The following PCDHA1 variants were observed in gnomAD, a reference collection of about 807,000 sequenced individuals.
PCDHA1 encodes the protein protocadherin alpha-1.
A neutral mutation model predicts 61.3 loss-of-function variants in PCDHA1; 42 were observed. That is an observed-to-expected ratio of 0.69 (90% CI 0.54 to 0.89). PCDHA1 has a LOEUF of 0.89. PCDHA1 is among the 40% of genes least tolerant of loss of function. The pLI, the probability that PCDHA1 is intolerant of heterozygous loss-of-function variation, is 0.00. For synonymous variants in PCDHA1, 610 were observed against 553.8 expected (o/e 1.10, Z -1.43); for missense variants, 1,256 against 1,235.3 (o/e 1.02, Z -0.25).
At chr5:140,850,495 T>A (rs2150486434) in intron 1 of PCDHA1, 3 of 1,597,906 alleles carry the variant, frequency 1.9e-6, no homozygotes, top group South Asian at 2.2e-5. Flanking sequence ...ACTGTGCTGG[T>A]GTCGCTGGTG....
chr5:140,809,245 T>C, intron 1 of PCDHA1: 1 of 1,614,066 alleles, frequency 6.2e-7, no homozygotes, highest in Non-Finnish European at 8.5e-7. Context: ...TGGTGGGCGC[T>C]GTGGGTCCCG....
At chr5:140,923,577 G>C (rs1456273088) in intron 1 of PCDHA1, among the ~76,000 whole-genome samples, 3 of 152,196 alleles carry the variant, frequency 2.0e-5, no homozygotes, top group Non-Finnish European at 4.4e-5. Context: ...CTGCTAAAGA[G>C]AAGGTTTGTT....
At chr5:140,827,966 G>T in intron 1 of PCDHA1, 1 of 1,337,492 alleles carries the variant, frequency 7.5e-7, no homozygotes, top group Non-Finnish European at 1.0e-6. Flanking sequence ...TTCTATTACT[G>T]CATCATTCCC....
In PCDHA1 at chr5:140,787,753, C is replaced by T; in HGVS notation, c.1463C>T (p.Ala488Val). Reference protein sequence around the residue: ...SARDADAQENALVSYSLVERR... With the variant: ...SARDADAQENVLVSYSLVERR... ...CGGGACGCGGACGCGCAGGAGAACG[C>T]GCTGGTGTCCTATTCGCTGGTGGAA... Residue 488 changes from alanine to valine, a missense_variant, in exon 1 of 4, where the codon GCG becomes GTG. Transcript: ENST00000504120. The T allele has an allele frequency of 6.8e-6, 11 of 1,613,356 alleles. No homozygotes were observed. The highest frequency in any genetic ancestry group is 9.3e-6 in the Non-Finnish European group (11 of 1,179,844).
Position 140,875,636 on chromosome 5 carries a change from A to T in PCDHA1, c.2394+86952A>T, listed in dbSNP as rs574545388. On this transcript the variant is annotated intron_variant, in intron 1 of 3. Coordinates refer to ENST00000504120, the MANE Select transcript of PCDHA1 (RefSeq NM_018900.4). The stretch of plus-strand genomic sequence containing the variant: ...CGCATCGCTCAGGACCTGGGGCTGG[A>T]GCTGGCGGAGCTGGTGCCGCGCCTG... 6 of 1,613,488 alleles carry T rather than the reference A, an allele frequency of 3.7e-6. No individual in the cohort carries two copies. The Admixed American group carries it at 8.3e-5, about 22-fold the overall frequency.
At chr5:140,854,039 C>G (rs1301679696) in intron 1 of PCDHA1, 1 of 287,104 alleles carries the variant, frequency 3.5e-6, no homozygotes, top group Admixed American at 6.8e-5. Context: ...GCACACATCT[C>G]TAGTCCCAAT....
At chr5:140,871,344 G>T in intron 1 of PCDHA1, 1 of 1,614,200 alleles carries the variant, frequency 6.2e-7, no homozygotes, top group Non-Finnish European at 8.5e-7. Context: ...TGGGGAGCTG[G>T]TCATACTCGC....
intron 3 of PCDHA1, among the ~76,000 whole-genome samples, chr5:141,008,968 T>C (rs1241825350): frequency 6.6e-6 from 1 of 152,256 alleles, no homozygotes; most frequent in Non-Finnish European, 1.5e-5. Flanking sequence ...AATACATTTA[T>C]AGCCAAAGTT....
chr5:140,973,929 T>C (rs2096608226), intron 1 of PCDHA1, among the ~76,000 whole-genome samples: 1 of 152,216 alleles, frequency 6.6e-6, no homozygotes, highest in Non-Finnish European at 1.5e-5. Flanking sequence ...AACCCAGAGG[T>C]TTAGCTGAAT....
chr5:140,801,182 T>C (rs782209906), intron 1 of PCDHA1: 4 of 1,573,304 alleles, frequency 2.5e-6, no homozygotes, highest in Non-Finnish European at 3.4e-6. Flanking sequence ...AATCTAATAT[T>C]TGGAAAATAC....
intron 1 of PCDHA1, chr5:140,877,083 G>T: frequency 6.2e-7 from 1 of 1,613,166 alleles, no homozygotes; most frequent in Non-Finnish European, 8.5e-7. Context: ...AGGTGAGCGC[G>T]CGCGACGCCG....
At chr5:140,796,473 G>A in intron 1 of PCDHA1, 2 of 1,612,228 alleles carry the variant, frequency 1.2e-6, no homozygotes, top group Non-Finnish European at 1.7e-6. Context: ...GCGAGCGCGC[G>A]TTGTCGAGCT....
At chr5:140,867,449 G>A (rs1423382267) in intron 1 of PCDHA1, 3 of 152,036 alleles carry the variant, frequency 2.0e-5, no homozygotes, top group African/African-American at 7.2e-5. Context: ...CTGAATTAGA[G>A]TTCTAGTGTT....
intron 1 of PCDHA1, chr5:140,966,544 G>C: frequency 2.1e-6 from 1 of 465,718 alleles, no homozygotes; most frequent in Non-Finnish European, 3.7e-6. Flanking sequence ...GCGACTCGGA[G>C]GCGAGCGGAG....
At chr5:140,812,540 T>C (rs1456985298) in intron 1 of PCDHA1, 1 of 152,188 alleles carries the variant, frequency 6.6e-6, no homozygotes, top group Non-Finnish European at 1.5e-5. Flanking sequence ...CCTTTTTTTC[T>C]AGTTCCTTGA....
intron 1 of PCDHA1, among the ~76,000 whole-genome samples, chr5:140,892,881 A>G (rs1562868071): frequency 6.6e-6 from 1 of 152,120 alleles, no homozygotes. Context: ...TTTCGTATCC[A>G]TTAACCAACC....
At chr5:140,811,652 C>G (rs1764929730) in intron 1 of PCDHA1, 1 of 152,216 alleles carries the variant, frequency 6.6e-6, no homozygotes, top group Non-Finnish European at 1.5e-5. Context: ...CACATCCTCT[C>G]CAGCATGTGT....
chr5:140,972,270 G>T (rs2096527606), intron 1 of PCDHA1, among the ~76,000 whole-genome samples: 2 of 151,190 alleles, frequency 1.3e-5, no homozygotes, highest in African/African-American at 4.9e-5. Context: ...CTCCTGAGTA[G>T]CTTGGACCAT....
intron 1 of PCDHA1, among the ~76,000 whole-genome samples, chr5:140,805,889 C>T (rs1763646423): frequency 6.6e-6 from 1 of 152,036 alleles, no homozygotes; most frequent in Non-Finnish European, 1.5e-5. Flanking sequence ...TGGAAGGAAG[C>T]AAACATTTTC....
Sources: gnomAD v4.1 joint callset for allele counts (sites outside exome capture counted in the v4.1 genomes callset) on GRCh38, gnomAD v4.1.1 for gene constraint, MANE v1.5 for transcripts, NCBI Gene and HGNC (gene_info 2026-07-23, HGNC 2026-07-21) for gene names.